OLFM2: variants seen among roughly 807,000 people sequenced by gnomAD.
The protein encoded by OLFM2 is olfactomedin 2, also known as noelin-2.
OLFM2 carries 20 observed loss-of-function variants against 43.9 expected under a neutral mutation model. The observed-to-expected ratio is 0.46, with a 90% CI of 0.32 to 0.66. The LOEUF (loss-of-function observed/expected upper bound fraction) is 0.66, where lower values mean the gene tolerates loss of function less well. Among genes scored for constraint, OLFM2 ranks in the 30% least tolerant of loss-of-function variants. The pLI, the probability that OLFM2 is intolerant of heterozygous loss-of-function variation, is 0.04. For synonymous variants in OLFM2, 268 were observed against 278.6 expected, an observed-to-expected ratio of 0.96 and a Z score of 0.38; for missense variants, 416 against 643.6, an observed-to-expected ratio of 0.65 and a Z score of 3.83.
rs2046293528 is a variant in OLFM2, at chr19:9,854,127, GA to G, written c.*58del. The G allele has an allele frequency of 2.7e-6, 4 of 1,507,202 alleles. No homozygotes were observed. The highest frequency in any genetic ancestry group is 1.8e-4 in the Middle Eastern group (1 of 5,528). 93.4% of individuals were successfully genotyped at this position (1,507,202 alleles called of 1,614,324 possible). ...CACCCTTGAGGGACACAGGCAGAATGAAAAGGGCCCCCAGCCCCCAGAGGCC... is the reference window on the plus strand; with the variant it reads ...CACCCTTGAGGGACACAGGCAGAATGAAAGGGCCCCCAGCCCCCAGAGGCC... On this transcript the variant is annotated 3_prime_UTR_variant, in exon 6 of 6. Coordinates refer to ENST00000264833, the MANE Select transcript of OLFM2 (RefSeq NM_058164.4). The surrounding 1 kb of genome is among the most constrained non-coding windows in gnomAD (Gnocchi z 9.5).
chr19:9,872,659 A>G (rs2046452133), intron 1 of OLFM2, among the ~76,000 whole-genome samples: 1 of 152,140 alleles, frequency 6.6e-6, no homozygotes, highest in Non-Finnish European at 1.5e-5. Context: ...AGTGATTGTG[A>G]ATCCACATAT....
chr19:9,924,330 C>T (rs1200136362), intron 1 of OLFM2, among the ~76,000 whole-genome samples: 4 of 137,732 alleles, frequency 2.9e-5, no homozygotes, highest in Non-Finnish European at 4.6e-5. Context: ...GGCGTGAACC[C>T]GGGAGGCGGA....
intron 1 of OLFM2, among the ~76,000 whole-genome samples, chr19:9,893,763 A>G (rs1200660657): frequency 6.6e-6 from 1 of 152,112 alleles, no homozygotes; most frequent in Non-Finnish European, 1.5e-5. Context: ...CATTTCTCCA[A>G]CGCCATCATG....
chr19:9,853,796 T>A lies in OLFM2; in HGVS notation c.*390A>T, dbSNP rs2046289490. The A allele has an allele frequency of 5.8e-6, 1 of 171,466 alleles. No homozygotes were observed. Among genetic ancestry groups the A allele is most frequent in the Non-Finnish European group, 1.0e-5 (1 of 95,838 alleles). 10.6% of individuals were successfully genotyped at this position (171,466 alleles called of 1,614,324 possible). A position where few individuals can be genotyped will look rare whatever the true frequency, so the allele number is the denominator to read the frequency against. The stretch of plus-strand genomic sequence containing the variant: ...TAAAAAAAGAAACAGATCCATGCAC[T>A]CAACTCCTGGGGGTGGGGGTGGGGG... On this transcript the variant is annotated 3_prime_UTR_variant, in exon 6 of 6. Coordinates refer to ENST00000264833, the MANE Select transcript of OLFM2 (RefSeq NM_058164.4).
chr19:9,892,179 G>C (rs1225896163), intron 1 of OLFM2, among the ~76,000 whole-genome samples: 1 of 152,106 alleles, frequency 6.6e-6, no homozygotes, highest in East Asian at 1.9e-4. Flanking sequence ...CTGTGTATCT[G>C]AGGCACGTGC....
At chr19:9,861,884 G>A (rs141989166) in intron 1 of OLFM2, among the ~76,000 whole-genome samples, 1 of 152,304 alleles carries the variant, frequency 6.6e-6, no homozygotes, top group African/African-American at 2.4e-5. Flanking sequence ...GCCAAGTATG[G>A]TGGCGGGCAC....
intron 1 of OLFM2, among the ~76,000 whole-genome samples, chr19:9,925,543 G>A (rs557743145): frequency 6.6e-6 from 1 of 151,878 alleles, no homozygotes; most frequent in East Asian, 2.0e-4. Flanking sequence ...TGACCTCCTG[G>A]GCTCAAGTAA....
At chr19:9,913,410 C>T in intron 1 of OLFM2, 3 of 904,744 alleles carry the variant, frequency 3.3e-6, no homozygotes, top group Non-Finnish European at 4.0e-6. Flanking sequence ...GCCCCGGGGG[C>T]TGCGGCGGCG....
At chr19:9,890,782 T>C (rs2046632068) in intron 1 of OLFM2, among the ~76,000 whole-genome samples, 1 of 151,718 alleles carries the variant, frequency 6.6e-6, no homozygotes. Flanking sequence ...GCAAGACCCC[T>C]ATTCTACAAA....
chr19:9,898,071 A>ATTTT (rs35231898), intron 1 of OLFM2, among the ~76,000 whole-genome samples: 4 of 127,862 alleles, frequency 3.1e-5, no homozygotes, highest in Non-Finnish European at 6.4e-5. Flanking sequence ...TGCCCAGCTA[A>ATTTT]TTTTTTTTTT....
chr19:9,893,313 T>C (rs2046653914), intron 1 of OLFM2, among the ~76,000 whole-genome samples: 1 of 151,908 alleles, frequency 6.6e-6, no homozygotes, highest in African/African-American at 2.4e-5. Flanking sequence ...TACAGGCGCC[T>C]ACCACCATGC....
At chr19:9,900,884 T>C in intron 1 of OLFM2, among the ~76,000 whole-genome samples, 1 of 136,338 alleles carries the variant, frequency 7.3e-6, no homozygotes. Context: ...GAGCAAGACC[T>C]TGTTTCAAGA....
intron 1 of OLFM2, among the ~76,000 whole-genome samples, chr19:9,862,831 C>T (rs1449179043): frequency 4.0e-5 from 6 of 151,832 alleles, no homozygotes; most frequent in Non-Finnish European, 7.4e-5. Context: ...AAAAATTAGC[C>T]GGGCATGGTG....
rs79531025 is a variant in OLFM2 at position 9,890,632 on chromosome 19, G to A, written c.64-29838C>T. Among the ~76,000 whole-genome samples the A allele has an allele frequency of 9.5e-4, 145 of 152,268 alleles. 4 individuals carry two copies. In the East Asian group the frequency reaches 0.026, roughly 27 times the overall value. ...TTCCTTTAGCCAATGCCTTTTAAACGGCAGTGACTTCCAGGTGAATACTTT... is the reference window on the plus strand; with the variant it reads ...TTCCTTTAGCCAATGCCTTTTAAACAGCAGTGACTTCCAGGTGAATACTTT... On this transcript the variant is annotated intron_variant, in intron 1 of 5. Transcript: ENST00000264833.
intron 1 of OLFM2, among the ~76,000 whole-genome samples, chr19:9,907,171 TG>T (rs2144985920): frequency 3.3e-5 from 5 of 152,224 alleles, no homozygotes; most frequent in African/African-American, 1.2e-4. Context: ...AGAGGTGGTC[TG>T]GGGCCGGGCG....
intron 1 of OLFM2, among the ~76,000 whole-genome samples, chr19:9,915,314 C>T (rs2046866591): frequency 1.3e-5 from 2 of 149,778 alleles, no homozygotes; most frequent in Non-Finnish European, 3.0e-5. Context: ...TGGCCTCAAT[C>T]GATCCTCCCA....
chr19:9,933,787 C>A (rs930029564), intron 1 of OLFM2, among the ~76,000 whole-genome samples: 2 of 152,046 alleles, frequency 1.3e-5, no homozygotes, highest in Non-Finnish European at 2.9e-5. Flanking sequence ...GAACTCCTGA[C>A]CTCAGGCGAT....
chr19:9,918,148 G>A (rs2086397195), intron 1 of OLFM2, among the ~76,000 whole-genome samples: 1 of 151,756 alleles, frequency 6.6e-6, no homozygotes, highest in Non-Finnish European at 1.5e-5. Context: ...CAAAGTGCTG[G>A]GATTACAGGC....
At chr19:9,894,448 G>A (rs919846485) in intron 1 of OLFM2, among the ~76,000 whole-genome samples, 2 of 147,770 alleles carry the variant, frequency 1.4e-5, no homozygotes, top group Non-Finnish European at 3.0e-5. Context: ...AGTGGCTCAC[G>A]CCTGTAATCC....
Sources: allele counts gnomAD v4.1 joint callset (sites outside exome capture counted in the v4.1 genomes callset), GRCh38; gene constraint gnomAD v4.1.1; non-coding constraint Gnocchi (gnomAD v3.1); transcripts MANE v1.5; gene names NCBI Gene and HGNC (gene_info 2026-07-23, HGNC 2026-07-21).